The following AP2B1 variants were observed in gnomAD, a reference collection of about 807,000 sequenced individuals.
AP2B1 encodes the protein adaptor related protein complex 2 subunit beta 1, also known as AP-2 complex subunit beta.
A neutral mutation model predicts 102.0 loss-of-function variants in AP2B1; 23 were observed. The observed-to-expected ratio is 0.23, with a 90% CI of 0.16 to 0.32. The LOEUF (loss-of-function observed/expected upper bound fraction) is 0.32, where lower values mean the gene tolerates loss of function less well. Among genes scored for constraint, AP2B1 ranks in the 10% least tolerant of loss-of-function variants. The probability of loss-of-function intolerance (pLI) is 1.00; values close to 1 mark genes in which losing one functional copy is unlikely to be tolerated. For synonymous variants in AP2B1, 381 were observed against 421.2 expected, an observed-to-expected ratio of 0.90 and a Z score of 1.17; for missense variants, 541 against 1,157.4, an observed-to-expected ratio of 0.47 and a Z score of 7.73.
intron 13 of AP2B1, chr17:35,651,029 A>G (rs541047546): frequency 2.1e-4 from 98 of 459,118 alleles, no homozygotes; most frequent in Non-Finnish European, 3.2e-4. Flanking sequence ...CTGTGTTCCA[A>G]TCTAGGAGTA....
intron 5 of AP2B1, among the ~76,000 whole-genome samples, chr17:35,608,876 GCTTAACAC>G (rs2073773248): frequency 6.6e-6 from 1 of 152,160 alleles, no homozygotes; most frequent in Admixed American, 6.5e-5. Flanking sequence ...CCAGAACATA[GCTTAACAC>G]CTTAAAGTTT....
chr17:35,683,815 C>T (rs76078076), intron 18 of AP2B1, among the ~76,000 whole-genome samples: 4,082 of 152,256 alleles, frequency 0.027, 63 homozygotes, highest in Middle Eastern at 0.054. Context: ...GAACTGTAAT[C>T]GATCCCTGCA....
intron 14 of AP2B1, among the ~76,000 whole-genome samples, chr17:35,666,594 TC>T (rs1257997396): frequency 2.6e-5 from 4 of 152,132 alleles, no homozygotes; most frequent in African/African-American, 7.2e-5. Flanking sequence ...AATGGCAGCC[TC>T]AGTAAGGCAA....
chr17:35,672,702 T>C (rs1169178457), intron 16 of AP2B1, among the ~76,000 whole-genome samples: 1 of 152,224 alleles, frequency 6.6e-6, no homozygotes, highest in Non-Finnish European at 1.5e-5. Context: ...CACAACTCGG[T>C]AGCTTTGTTG....
chr17:35,621,909 A>C (rs1038168948), intron 5 of AP2B1, among the ~76,000 whole-genome samples: 2 of 152,154 alleles, frequency 1.3e-5, no homozygotes, highest in African/African-American at 4.8e-5. Flanking sequence ...CAGAAGTGGT[A>C]ATTTATTTCA....
chr17:35,626,918 C>A, intron 7 of AP2B1, 76 bp downstream of exon 7: 1 of 1,338,022 alleles, frequency 7.5e-7, no homozygotes, highest in South Asian at 1.3e-5. Context: ...GTTAATTAGG[C>A]TAGTGTTAAT....
intron 13 of AP2B1, among the ~76,000 whole-genome samples, chr17:35,653,917 C>T (rs2075152875): frequency 6.6e-6 from 1 of 152,136 alleles, no homozygotes; most frequent in Non-Finnish European, 1.5e-5. Flanking sequence ...GAATTGAAAC[C>T]TGCACATATA....
chr17:35,672,397 T>C (rs951414070), intron 16 of AP2B1, among the ~76,000 whole-genome samples: 4 of 152,206 alleles, frequency 2.6e-5, no homozygotes, highest in Non-Finnish European at 5.9e-5. Flanking sequence ...TAACCTTACT[T>C]GATGTCACTC....
At chr17:35,720,993 T>A (rs946071056) in intron 21 of AP2B1, among the ~76,000 whole-genome samples, 17 of 152,102 alleles carry the variant, frequency 1.1e-4, no homozygotes, top group Non-Finnish European at 2.9e-5. Context: ...TCTGATCCAT[T>A]CCCTTCATCA....
intron 4 of AP2B1, among the ~76,000 whole-genome samples, chr17:35,606,860 T>C (rs946243550): frequency 6.6e-6 from 1 of 152,162 alleles, no homozygotes. Context: ...GTCAAATCTT[T>C]CCTATCATAG....
Position 35,639,870 on chromosome 17 carries a change from A to G in AP2B1, c.1437+110A>G, listed in dbSNP as rs548743377. ...TTCTGTGTCTGTATTTACATATAGT[A>G]TGTTCATTTTTCTCCCAACAGGGAT... On this transcript the variant is annotated intron_variant, in intron 11 of 21. Transcript: ENST00000610402. 3.0e-5 allele frequency: 29 copies of G among 977,040 alleles called. No homozygotes were observed. The Admixed American group carries it at 4.4e-4, about 15-fold the overall frequency. The allele number at this position is 977,040 out of a possible 1,614,324, so 60.5% of individuals were successfully genotyped here.
At chr17:35,680,700 GTTTTTT>G (rs1176447688) in intron 17 of AP2B1, among the ~76,000 whole-genome samples, 3 of 128,920 alleles carry the variant, frequency 2.3e-5, no homozygotes, top group East Asian at 2.3e-4. Flanking sequence ...TTTTTTTTTT[GTTTTTT>G]TTTTTTTTTT....
intron 12 of AP2B1, among the ~76,000 whole-genome samples, chr17:35,642,274 C>T (rs1302185181): frequency 6.7e-6 from 1 of 148,634 alleles, no homozygotes; most frequent in East Asian, 2.0e-4. Context: ...ATAGTACCTG[C>T]TTCACTGTGA....
chr17:35,601,778 CTTTT>C (rs202210134), intron 3 of AP2B1, among the ~76,000 whole-genome samples: 3 of 140,050 alleles, frequency 2.1e-5, no homozygotes, highest in African/African-American at 5.2e-5. Context: ...TGTCATAACT[CTTTT>C]TTTTTTTTTT....
At chr17:35,684,849 G>A (rs1348856625) in intron 18 of AP2B1, among the ~76,000 whole-genome samples, 1 of 152,050 alleles carries the variant, frequency 6.6e-6, no homozygotes, top group African/African-American at 2.4e-5. Flanking sequence ...GAGAATTTGG[G>A]TCACAGAAAC....
intron 5 of AP2B1, chr17:35,621,456 A>T (rs950151462): frequency 3.7e-6 from 2 of 539,914 alleles, no homozygotes; most frequent in African/African-American, 4.1e-5. Flanking sequence ...AGGAACTTCA[A>T]GAAATTTTAG....
Position 35,659,873 on chromosome 17 carries a change from G to A in AP2B1, c.1989+2082G>A, listed in dbSNP as rs997755393. On this transcript the variant is annotated intron_variant, in intron 14 of 21. Coordinates refer to ENST00000610402, the MANE Select transcript of AP2B1 (RefSeq NM_001030006.2). ...AAGCCCTTATTTTTGCTTTGGATCC[G>A]TATGTGGTTAAATATATATTCACTC... The A allele has an allele frequency of 3.2e-5, 32 of 985,138 alleles. No individual in the cohort carries two copies. The Admixed American group carries it at 1.3e-3, about 40-fold the overall frequency. 61.0% of individuals were successfully genotyped at this position (985,138 alleles called of 1,614,324 possible).
At chr17:35,642,064 G>A (rs1051075199) in intron 12 of AP2B1, 89 bp downstream of exon 12, 7 of 968,986 alleles carry the variant, frequency 7.2e-6, no homozygotes, top group Non-Finnish European at 1.6e-6. Flanking sequence ...TTCATTTGGG[G>A]AAGCTTTATT....
intron 18 of AP2B1, among the ~76,000 whole-genome samples, chr17:35,687,061 G>A (rs1028283908): frequency 2.0e-5 from 3 of 152,190 alleles, no homozygotes; most frequent in African/African-American, 4.8e-5. Context: ...AGCCAATTTC[G>A]TTCACCTCTT....
Sources: allele counts gnomAD v4.1 joint callset (sites outside exome capture counted in the v4.1 genomes callset), GRCh38; gene constraint gnomAD v4.1.1; transcripts MANE v1.5; gene names NCBI Gene and HGNC (gene_info 2026-07-23, HGNC 2026-07-21).